KLKB1: variants seen among roughly 807,000 people sequenced by gnomAD.
The protein encoded by KLKB1 is kallikrein B1.
KLKB1 carries 58 observed loss-of-function variants against 73.6 expected under a neutral mutation model. The ratio of observed to expected loss-of-function variants is 0.79; its 90% CI spans 0.64 to 0.98. The LOEUF (loss-of-function observed/expected upper bound fraction) is 0.98. Among genes scored for constraint, KLKB1 ranks in the 50% least tolerant of loss-of-function variants. The probability of loss-of-function intolerance (pLI) is 0.00; values close to 1 mark genes in which losing one functional copy is unlikely to be tolerated. For synonymous variants in KLKB1, 280 were observed against 258.1 expected (o/e 1.08, Z -0.81); for missense variants, 737 against 763.8 (o/e 0.96, Z 0.41).
chr4:186,249,068 A>G (rs4253295), intron 6 of KLKB1, among the ~76,000 whole-genome samples: 51,945 of 152,010 alleles, frequency 0.34, 9,285 homozygotes, highest in East Asian at 0.39. Context: ...TCTGGATACT[A>G]CACTCTTATG....
intron 2 of KLKB1, among the ~76,000 whole-genome samples, chr4:186,216,699 A>G (rs1379222079): frequency 6.6e-6 from 1 of 152,148 alleles, no homozygotes; most frequent in Non-Finnish European, 1.5e-5. Context: ...TGAAATCCCC[A>G]TGTTCTTTTT....
chr4:186,224,183 G>T (rs1373543996), upstream of KLKB1, among the ~76,000 whole-genome samples: 3 of 152,262 alleles, frequency 2.0e-5, no homozygotes, highest in Admixed American at 1.3e-4. Context: ...CCAGGCAGAA[G>T]CCTGCTGCAG....
chr4:186,234,531 A>G (rs538890902), intron 4 of KLKB1, among the ~76,000 whole-genome samples: 1 of 152,318 alleles, frequency 6.6e-6, no homozygotes, highest in Admixed American at 6.5e-5. Flanking sequence ...AGAGGCCAGA[A>G]TGTTTGAATG....
At chr4:186,235,985 G>C (rs547527567) in intron 4 of KLKB1, among the ~76,000 whole-genome samples, 19 of 151,290 alleles carry the variant, frequency 1.3e-4, no homozygotes, top group African/African-American at 4.4e-4. Flanking sequence ...GTGGTGGCGC[G>C]CGCCTGTAGT....
At chr4:186,250,123 A>C in intron 6 of KLKB1, 120 bp from the exon 7 acceptor site, 1 of 1,037,880 alleles carries the variant, frequency 9.6e-7, no homozygotes. Flanking sequence ...TTTTTCACTT[A>C]GGATGTTTAG....
Position 186,238,255 on chromosome 4 carries a change from G to A in KLKB1, c.489-1G>A, listed in dbSNP as rs1472602019. On this transcript the variant is annotated splice_acceptor_variant, in intron 5 of 14. Transcript: ENST00000264690. LOFTEE classifies it high-confidence loss of function. The stretch of plus-strand genomic sequence containing the variant: ...AAGTAACCTCTTTTCTTCCCATTCA[G>A]GAACAATTGCCTATTAAAGTACAGT... 6.2e-7 allele frequency: 1 copy of A among 1,602,968 alleles called. No individual in the cohort carries two copies. The highest frequency in any genetic ancestry group is 8.5e-7 in the Non-Finnish European group (1 of 1,170,102).
intron 2 of KLKB1, among the ~76,000 whole-genome samples, chr4:186,219,704 A>G (rs186365113): frequency 6.6e-6 from 1 of 152,260 alleles, no homozygotes; most frequent in Non-Finnish European, 1.5e-5. Context: ...GCCTTCAGCA[A>G]GCATCTCAGC....
At chr4:186,227,675 A>C (rs1293703736) in intron 1 of KLKB1, 88 bp downstream of exon 1, 1 of 152,234 alleles carries the variant, frequency 6.6e-6, no homozygotes, top group East Asian at 1.9e-4. Flanking sequence ...TTAATCATTT[A>C]TATTCTAATT....
chr4:186,236,097 GA>G, intron 4 of KLKB1, among the ~76,000 whole-genome samples: 1 of 26,764 alleles, frequency 3.7e-5, no homozygotes, highest in East Asian at 2.3e-3. Flanking sequence ...CTGGGCGACA[GA>G]GCGAGACTCC....
upstream of KLKB1, among the ~76,000 whole-genome samples, chr4:186,223,039 G>C (rs1027784544): frequency 2.6e-5 from 4 of 152,090 alleles, no homozygotes; most frequent in Admixed American, 1.3e-4. Flanking sequence ...AAAAGTGGTG[G>C]TTACCCGTGC....
At chr4:186,253,732 A>G (rs113238086) in intron 11 of KLKB1, among the ~76,000 whole-genome samples, 475 of 152,266 alleles carry the variant, frequency 3.1e-3, no homozygotes, top group African/African-American at 0.011. Flanking sequence ...GCTTTGCTTT[A>G]GATCAGAATT....
chr4:186,225,944 G>A (rs549303331), upstream of KLKB1, among the ~76,000 whole-genome samples: 8 of 151,774 alleles, frequency 5.3e-5, no homozygotes, highest in South Asian at 1.7e-3. Context: ...TCAGCTTTCT[G>A]CAATTTTTAT....
chr4:186,217,249 T>C (rs2126611296), intron 2 of KLKB1, among the ~76,000 whole-genome samples: 1 of 152,332 alleles, frequency 6.6e-6, no homozygotes, highest in African/African-American at 2.4e-5. Context: ...TGAGGGTTTC[T>C]GCTGTGATGT....
At chr4:186,235,345 T>TG (rs1561451993) in intron 4 of KLKB1, among the ~76,000 whole-genome samples, 1 of 56,150 alleles carries the variant, frequency 1.8e-5, no homozygotes, top group Non-Finnish European at 3.3e-5. Flanking sequence ...TTGCTTTTAA[T>TG]GTTTTTTAAA....
chr4:186,248,924 C>A (rs549262974), intron 6 of KLKB1, among the ~76,000 whole-genome samples: 3 of 152,132 alleles, frequency 2.0e-5, no homozygotes, highest in Non-Finnish European at 4.4e-5. Context: ...TAATGACTAA[C>A]AATGTTGTGT....
chr4:186,255,018 G>A (rs1051057087), intron 12 of KLKB1, among the ~76,000 whole-genome samples: 1 of 152,196 alleles, frequency 6.6e-6, no homozygotes, highest in Admixed American at 6.5e-5. Context: ...AATAATGGGC[G>A]TGGGAAATGT....
chr4:186,253,814 ATATTT>A (rs143430694), intron 11 of KLKB1, among the ~76,000 whole-genome samples: 3,695 of 151,786 alleles, frequency 0.024, 153 homozygotes, highest in African/African-American at 0.085. Context: ...AAATACAGAT[ATATTT>A]TATTTTATTT....
intron 2 of KLKB1, among the ~76,000 whole-genome samples, chr4:186,230,072 G>T (rs900842602): frequency 2.0e-5 from 3 of 151,998 alleles, no homozygotes; most frequent in Non-Finnish European, 4.4e-5. Context: ...GAGACATATT[G>T]TCCACTGATG....
chr4:186,245,834 T>TTTTTTTTTTTTTTTTTTTTTG, intron 6 of KLKB1, among the ~76,000 whole-genome samples: 1 of 142,722 alleles, frequency 7.0e-6, no homozygotes, highest in South Asian at 2.2e-4. Flanking sequence ...GTTTTTTTTT[T>TTTTTTTTTTTTTTTTTTTTTG]TTAATGTCAG....
Sources: allele counts gnomAD v4.1 joint callset (sites outside exome capture counted in the v4.1 genomes callset), GRCh38; gene constraint gnomAD v4.1.1; transcripts MANE v1.5; gene names NCBI Gene and HGNC (gene_info 2026-07-23, HGNC 2026-07-21).